The following TYW3 variants were observed in gnomAD, a reference collection of about 807,000 sequenced individuals.
The protein encoded by TYW3 is tRNA-yW synthesizing protein 3 homolog.
In TYW3, 26 loss-of-function variants were observed where a neutral mutation model predicts 23.1. The ratio of observed to expected loss-of-function variants is 1.13; its 90% CI spans 0.83 to 1.56. TYW3 has a LOEUF of 1.56. TYW3 is among the 40% of genes most tolerant of loss of function. The probability of loss-of-function intolerance (pLI) is 0.00; values close to 1 mark genes in which losing one functional copy is unlikely to be tolerated. For missense variants in TYW3, 316 were observed against 311.9 expected (o/e 1.01, Z -0.10); for synonymous variants, 102 against 105.7 (o/e 0.97, Z 0.21).
rs1209375251 is a variant in TYW3 at position 74,765,325 on chromosome 1, T to TAA, written c.*1213_*1214dup. The TAA allele has an allele frequency of 2.6e-5, 4 of 152,154 alleles. No individual in the cohort carries two copies. The highest frequency in any genetic ancestry group is 9.7e-5 in the African/African-American group (4 of 41,448). The allele number at this position is 152,154 out of a possible 1,614,324, so 9.4% of individuals were successfully genotyped here. A position where few individuals can be genotyped will look rare whatever the true frequency, so the allele number is the denominator to read the frequency against. ...ATAGGAGAATAAGCAAGAGCTTAGG[T>TAA]AAGTTATAGTCCTTACCATTGGGTC... On this transcript the variant is annotated 3_prime_UTR_variant, in exon 6 of 6. Transcript: ENST00000370867.
chr1:74,749,088 C>T (rs1443036120), intron 4 of TYW3, among the ~76,000 whole-genome samples: 2 of 152,148 alleles, frequency 1.3e-5, no homozygotes, highest in Non-Finnish European at 2.9e-5. Flanking sequence ...AGGCAAGGCC[C>T]CAAAGCACTA....
intron 5 of TYW3, among the ~76,000 whole-genome samples, chr1:74,761,157 G>T (rs1412376802): frequency 6.6e-6 from 1 of 151,624 alleles, no homozygotes; most frequent in African/African-American, 2.4e-5. Context: ...AAGTGTTACT[G>T]TATAAGGGGA....
At chr1:74,753,084 A>T (rs556064613) in intron 5 of TYW3, among the ~76,000 whole-genome samples, 1 of 152,368 alleles carries the variant, frequency 6.6e-6, no homozygotes, top group Admixed American at 6.5e-5. Flanking sequence ...AGTAAATATT[A>T]TGCTGTCTTT....
At chr1:74,739,467 TCTCTG>T (rs1286725828) in intron 3 of TYW3, among the ~76,000 whole-genome samples, 1 of 152,210 alleles carries the variant, frequency 6.6e-6, no homozygotes. Flanking sequence ...AAGATAGGCT[TCTCTG>T]AAAAGCTTTC....
chr1:74,763,501 A>G (rs1186130132), intron 5 of TYW3, among the ~76,000 whole-genome samples: 1 of 152,176 alleles, frequency 6.6e-6, no homozygotes, highest in Non-Finnish European at 1.5e-5. Flanking sequence ...AATAAACTGA[A>G]AAGAAAAATA....
intron 3 of TYW3, among the ~76,000 whole-genome samples, chr1:74,739,935 A>G (rs1570053227): frequency 6.6e-6 from 1 of 152,108 alleles, no homozygotes; most frequent in Non-Finnish European, 1.5e-5. Flanking sequence ...CAGAGGGAGG[A>G]GGAGAAAGAG....
rs754055487 is a variant in TYW3 at position 74,763,991 on chromosome 1, A to G, written c.658A>G (p.Lys220Glu). The change falls in exon 6 of 6, where the codon AAA becomes GAA. Residue 220 changes from lysine to glutamate, a missense_variant. Physicochemically the swap from Lys to Glu is moderately conservative, Grantham distance 56. Transcript: ENST00000370867. ...AAATAACTCATCATATATTCATAAG[A>G]AAAAAAGAAACCCAGAAAAAACACG... is the stretch of plus-strand genomic sequence containing the variant. ...EKNNSSYIHK[K>E]KRNPEKTRAQ... The G allele has an allele frequency of 4.0e-5, 64 of 1,610,382 alleles. No individual in the cohort carries two copies. Among genetic ancestry groups the G allele is most frequent in the Non-Finnish European group, 3.4e-5 (40 of 1,178,882 alleles).
intron 5 of TYW3, among the ~76,000 whole-genome samples, chr1:74,757,994 G>A (rs1649009705): frequency 6.6e-6 from 1 of 152,192 alleles, no homozygotes; most frequent in South Asian, 2.1e-4. Flanking sequence ...TCTCAGGTAT[G>A]TCTTTATCAG....
rs373179824 is a variant in TYW3, at chr1:74,754,908, C to T, written c.560+2483C>T. 2.0e-4 allele frequency among the ~76,000 whole-genome samples: 31 copies of T among 152,128 alleles called. 1 individual carries two copies. Among genetic ancestry groups the T allele is most frequent in the Admixed American group, 1.0e-3 (16 of 15,278 alleles). ...ATGTAGGAAGACAATTCATACATAA[C>T]GATCTAGAGAAATTTGGATAGCTAT... is the stretch of plus-strand genomic sequence containing the variant. On this transcript the variant is annotated intron_variant, in intron 5 of 5. Transcript: ENST00000370867.
chr1:74,761,929 A>C (rs970321386), intron 5 of TYW3, among the ~76,000 whole-genome samples: 1 of 152,084 alleles, frequency 6.6e-6, no homozygotes, highest in South Asian at 2.1e-4. Context: ...TGGTGTCTAC[A>C]GGGGAGCCAG....
intron 5 of TYW3, among the ~76,000 whole-genome samples, chr1:74,759,541 C>G (rs143776476): frequency 1.6e-3 from 242 of 151,990 alleles, no homozygotes; most frequent in Non-Finnish European, 2.6e-3. Flanking sequence ...AAAAATGGGT[C>G]TAAAACAGCT....
chr1:74,740,509 C>A (rs1648314684), intron 3 of TYW3, among the ~76,000 whole-genome samples: 1 of 152,246 alleles, frequency 6.6e-6, no homozygotes, highest in African/African-American at 2.4e-5. Context: ...GCCCCACCCA[C>A]ATCCTGCTGA....
rs747066396 is a variant in TYW3, at chr1:74,733,300, A to G, written c.56A>G (p.Asp19Gly). The G allele has an allele frequency of 6.2e-7, 1 of 1,614,182 alleles. No homozygotes were observed. The highest frequency in any genetic ancestry group is 1.1e-5 in the South Asian group (1 of 91,070). Residue 19 changes from aspartate (D) to glycine (G), a missense_variant, in exon 1 of 6, where the codon GAC (aspartate) becomes GGC (glycine). Asp to Gly is a moderately conservative substitution (Grantham distance 94). Transcript: ENST00000370867. ...AAGGCGCAATGTTTGAGCAAAGCGG[A>G]CCTCAGCCGGAAGGGCAGTGTTGAC... The part of the protein sequence containing the change: ...KWKAQCLSKA[D>G]LSRKGSVDED...
intron 4 of TYW3, chr1:74,751,535 T>C (rs1160666425): frequency 6.6e-6 from 1 of 152,234 alleles, no homozygotes; most frequent in African/African-American, 2.4e-5. Flanking sequence ...TAGCCAGGCG[T>C]GGCGCATGCC....
chr1:74,753,046 T>A (rs1648843405), intron 5 of TYW3, among the ~76,000 whole-genome samples: 1 of 152,194 alleles, frequency 6.6e-6, no homozygotes, highest in Admixed American at 6.5e-5. Context: ...AACAACTTTT[T>A]CCCAAGAATA....
intron 3 of TYW3, among the ~76,000 whole-genome samples, chr1:74,744,536 G>A (rs1648482408): frequency 6.6e-6 from 1 of 152,162 alleles, no homozygotes; most frequent in Non-Finnish European, 1.5e-5. Flanking sequence ...AGGAAAAATA[G>A]GACAGAATAG....
In TYW3 at chr1:74,766,229, A is replaced by C. The variant is rs1365254726; in HGVS notation, c.*2116A>C. On this transcript the variant is annotated 3_prime_UTR_variant, in exon 6 of 6. Coordinates refer to ENST00000370867, the MANE Select transcript of TYW3 (RefSeq NM_138467.3). ...TATGTTACTGGTTTGTGTCTTTGCT[A>C]TGCTTTTTATCATTATTTTAGGGTA... 2 of 152,134 alleles carry C rather than the reference A, an allele frequency of 1.3e-5. No homozygotes were observed. The highest frequency in any genetic ancestry group is 2.9e-5 in the Non-Finnish European group (2 of 67,992). The allele number at this position is 152,134 out of a possible 1,614,324, so 9.4% of individuals were successfully genotyped here. A position where few individuals can be genotyped will look rare whatever the true frequency, so the allele number is the denominator to read the frequency against.
intron 2 of TYW3, among the ~76,000 whole-genome samples, chr1:74,737,066 A>G (rs1322703760): frequency 6.6e-6 from 1 of 152,220 alleles, no homozygotes; most frequent in East Asian, 1.9e-4. Flanking sequence ...TTAGTTTCCT[A>G]AGGTAAAGAG....
chr1:74,742,583 T>C (rs1251609826), intron 3 of TYW3, among the ~76,000 whole-genome samples: 1 of 152,186 alleles, frequency 6.6e-6, no homozygotes, highest in Non-Finnish European at 1.5e-5. Flanking sequence ...AGCCTCAGCA[T>C]CTGCCCAACG....
Sources: allele counts gnomAD v4.1 joint callset (sites outside exome capture counted in the v4.1 genomes callset), GRCh38; gene constraint gnomAD v4.1.1; transcripts MANE v1.5; gene names NCBI Gene and HGNC (gene_info 2026-07-23, HGNC 2026-07-21).